The following DLEU7 variants were observed in gnomAD, a reference collection of about 807,000 sequenced individuals.
DLEU7 encodes the protein leukemia-associated protein 7.
DLEU7 carries 17 observed loss-of-function variants against 16.0 expected under a neutral mutation model. That is an observed-to-expected ratio of 1.06 (90% confidence interval 0.73 to 1.59). The LOEUF (loss-of-function observed/expected upper bound fraction) is 1.59, where lower values mean the gene tolerates loss of function less well. DLEU7 is among the 40% of genes most tolerant of loss of function. The pLI is 0.00. For missense variants in DLEU7, 308 were observed against 314.9 expected (o/e 0.98, Z 0.17); for synonymous variants, 113 against 139.8 (o/e 0.81, Z 1.35).
intron 1 of DLEU7, among the ~76,000 whole-genome samples, chr13:50,748,583 A>G (rs9591350): frequency 0.045 from 6,814 of 152,128 alleles, 457 homozygotes; most frequent in African/African-American, 0.15. Context: ...TCCTCAGGTG[A>G]CGGTCCTACC....
At chr13:50,811,303 G>A (rs1876558488) in intron 1 of DLEU7, among the ~76,000 whole-genome samples, 1 of 152,114 alleles carries the variant, frequency 6.6e-6, no homozygotes, top group Non-Finnish European at 1.5e-5. Flanking sequence ...AGAAAGAGAA[G>A]TAACCAGAGA....
intron 1 of DLEU7, among the ~76,000 whole-genome samples, chr13:50,761,276 A>G (rs192969739): frequency 6.6e-6 from 1 of 152,256 alleles, no homozygotes; most frequent in Non-Finnish European, 1.5e-5. Flanking sequence ...GGAAGGTGTC[A>G]GCTGAAGTTC....
chr13:50,753,659 C>G (rs188886797), intron 1 of DLEU7, among the ~76,000 whole-genome samples: 1 of 152,202 alleles, frequency 6.6e-6, no homozygotes, highest in Non-Finnish European at 1.5e-5. Context: ...AAGCACCGTG[C>G]GCAGCCCCAG....
chr13:50,713,191 T>C lies in DLEU7; in HGVS notation c.*26A>G, dbSNP rs754827956. On this transcript the variant is annotated 3_prime_UTR_variant, in exon 2 of 2. Coordinates refer to the DLEU7 transcript ENST00000400393. ...TATTGAAATATGAAGCTCCTGATGG[T>C]CCTCACACTCCTACAGTGACCTTCT... 7 of 1,608,958 alleles carry C rather than the reference T, an allele frequency of 4.4e-6. No homozygotes were observed. In the African/African-American group the frequency reaches 5.3e-5, roughly 12 times the overall value.
At chr13:50,787,779 C>T (rs545898261) in intron 1 of DLEU7, among the ~76,000 whole-genome samples, 41 of 152,190 alleles carry the variant, frequency 2.7e-4, no homozygotes, top group Admixed American at 7.8e-4. Flanking sequence ...CCATCTATCC[C>T]CACAGACCAG....
intron 1 of DLEU7, among the ~76,000 whole-genome samples, chr13:50,830,717 T>C (rs1266793546): frequency 1.3e-5 from 2 of 152,214 alleles, no homozygotes; most frequent in Non-Finnish European, 2.9e-5. Flanking sequence ...AGCACATATC[T>C]GCCCTGAGGT....
chr13:50,836,279 G>A (rs552112269), intron 1 of DLEU7, among the ~76,000 whole-genome samples: 3 of 152,178 alleles, frequency 2.0e-5, no homozygotes, highest in South Asian at 2.1e-4. Flanking sequence ...CAGAGAGCAC[G>A]AAGGAAAGAG....
At chr13:50,772,939 A>G (rs1446578470) in intron 1 of DLEU7, among the ~76,000 whole-genome samples, 1 of 152,038 alleles carries the variant, frequency 6.6e-6, no homozygotes, top group Non-Finnish European at 1.5e-5. Flanking sequence ...ACATAGTCCT[A>G]TATTTCTTGG....
At chr13:50,744,863 C>T (rs944206448) in intron 1 of DLEU7, among the ~76,000 whole-genome samples, 1 of 152,084 alleles carries the variant, frequency 6.6e-6, no homozygotes, top group African/African-American at 2.4e-5. Flanking sequence ...ATCAAAACAA[C>T]GTTGGACCAC....
intron 1 of DLEU7, among the ~76,000 whole-genome samples, chr13:50,841,080 A>G (rs1303875119): frequency 2.6e-5 from 4 of 152,292 alleles, no homozygotes; most frequent in East Asian, 3.9e-4. Context: ...GTCCATTGCC[A>G]CTGAGTTGGG....
rs770282787 is a variant in DLEU7, at chr13:50,789,959, T to TG, written c.459+53228dup. Among the ~76,000 whole-genome samples, 308 of 148,792 alleles carry TG rather than the reference T, an allele frequency of 2.1e-3. 2 individuals are homozygous for TG. The highest frequency in any genetic ancestry group is 6.7e-3 in the African/African-American group (269 of 40,118). ...TTTCTTTCTTTCTTTTTTTTTTTTT[T>TG]GGGACAGAGTCTCGCTCTGTTGCCC... On this transcript the variant is annotated intron_variant, in intron 1 of 1. Transcript: ENST00000400393.
At chr13:50,765,867 T>A (rs1875086397) in intron 1 of DLEU7, among the ~76,000 whole-genome samples, 1 of 152,176 alleles carries the variant, frequency 6.6e-6, no homozygotes, top group Non-Finnish European at 1.5e-5. Flanking sequence ...CCAAGAAAAC[T>A]TGCATTGCGT....
intron 1 of DLEU7, among the ~76,000 whole-genome samples, chr13:50,721,553 T>C (rs1335076814): frequency 6.6e-6 from 1 of 152,224 alleles, no homozygotes; most frequent in Non-Finnish European, 1.5e-5. Context: ...TTTTTTGTTA[T>C]ATTATTTATG....
At chr13:50,750,794 A>G (rs951545078) in intron 1 of DLEU7, among the ~76,000 whole-genome samples, 7 of 152,166 alleles carry the variant, frequency 4.6e-5, no homozygotes, top group Admixed American at 4.6e-4. Flanking sequence ...TTAACCTTGT[A>G]TCCAGAAACT....
In DLEU7 at chr13:50,829,081, T is replaced by A. The variant is rs191976732; in HGVS notation, c.460-5561A>T. 4.9e-4 allele frequency among the ~76,000 whole-genome samples: 74 copies of A among 152,226 alleles called. 1 individual carries two copies. In the South Asian group the frequency reaches 5.0e-3, roughly 10 times the overall value. ...ACTGTAAGATTTTTTTTGTGATTTT[T>A]AAAAAAAATTTAGCTCATCAGCTAT... On this transcript the variant is annotated intron_variant, in intron 1 of 1. Transcript: ENST00000504404.
At chr13:50,774,709 CCTT>C (rs1229776353) in intron 1 of DLEU7, among the ~76,000 whole-genome samples, 6 of 151,756 alleles carry the variant, frequency 4.0e-5, no homozygotes, top group Non-Finnish European at 8.8e-5. Context: ...TCTCTCCTCT[CCTT>C]CTTAAATGTG....
At position 50,843,565 on chromosome 13, in the gene DLEU7, A is replaced by G. The variant is rs1448805499; in HGVS notation, c.82T>C (p.Trp28Arg). 3 of 1,488,588 alleles carry G rather than the reference A, an allele frequency of 2.0e-6. No individual in the cohort carries two copies. Among genetic ancestry groups the G allele is most frequent in the Non-Finnish European group, 2.7e-6 (3 of 1,127,460 alleles). The allele number at this position is 1,488,588 out of a possible 1,614,324, so 92.2% of individuals were successfully genotyped here. Residue 28 changes from tryptophan to arginine, a missense_variant, in exon 1 of 2, where the codon TGG (tryptophan) becomes CGG (arginine). By Grantham distance (101) the Trp-to-Arg change is moderately radical. Coordinates refer to ENST00000504404, the MANE Select transcript of DLEU7 (RefSeq NM_001306135.2). This position sits in a 1 kb window ranked among gnomAD's most constrained non-coding sequence, Gnocchi z 5.7. ...GCGACTGGACCGTCCCCCCAGCCCC[A>G]CTCCTGCTGCAGCAGCTGCAAGGTC... ...LQTLQLLQQE[W>R]GWGDGPVAPG...
intron 1 of DLEU7, among the ~76,000 whole-genome samples, chr13:50,835,831 C>T (rs1033268162): frequency 9.2e-5 from 14 of 152,324 alleles, no homozygotes; most frequent in African/African-American, 2.2e-4. Flanking sequence ...AATCTTAAAA[C>T]GGAAGACAAG....
At chr13:50,718,319 A>C (rs1873495292) in intron 1 of DLEU7, among the ~76,000 whole-genome samples, 1 of 152,252 alleles carries the variant, frequency 6.6e-6, no homozygotes, top group Admixed American at 6.5e-5. Context: ...GCTTTGAGAC[A>C]GTGGAACCAT....
Sources: allele counts gnomAD v4.1 joint callset (sites outside exome capture counted in the v4.1 genomes callset), GRCh38; gene constraint gnomAD v4.1.1; non-coding constraint Gnocchi (gnomAD v3.1); transcripts MANE v1.5; gene names NCBI Gene and HGNC (gene_info 2026-07-23, HGNC 2026-07-21).